Variants in CTNND2 observed in about 807,000 individuals in gnomAD.
CTNND2 encodes catenin delta 2, also known as catenin delta-2.
In CTNND2, 22 loss-of-function variants were observed where a neutral mutation model predicts 144.4. That is an observed-to-expected ratio of 0.15 (90% confidence interval 0.11 to 0.22). CTNND2 has a LOEUF of 0.22. Ranked by LOEUF, CTNND2 falls within the 10% of genes least tolerant of loss-of-function variation. The pLI, the probability that CTNND2 is intolerant of heterozygous loss-of-function variation, is 1.00. For missense variants in CTNND2, 1,353 were observed against 1,618.8 expected (o/e 0.84, Z 2.82); for synonymous variants, 751 against 695.6 (o/e 1.08, Z -1.25).
At chr5:11,896,347 T>C (rs572925438) in intron 1 of CTNND2, among the ~76,000 whole-genome samples, 1 of 152,316 alleles carries the variant, frequency 6.6e-6, no homozygotes, top group East Asian at 1.9e-4. Context: ...AAAAATATGG[T>C]CATTTCTGGG....
chr5:11,365,385 A>G (rs1011802787), intron 7 of CTNND2, among the ~76,000 whole-genome samples: 1 of 152,248 alleles, frequency 6.6e-6, no homozygotes, highest in African/African-American at 2.4e-5. Context: ...AGGATAAAGC[A>G]AAATGTTTGA....
intron 2 of CTNND2, among the ~76,000 whole-genome samples, chr5:11,699,355 C>T (rs977174229): frequency 6.6e-6 from 1 of 151,842 alleles, no homozygotes. Context: ...TTTCTTAGGA[C>T]CTGGGAGGAT....
At chr5:11,354,213 C>A (rs544342097) in intron 8 of CTNND2, among the ~76,000 whole-genome samples, 1 of 152,154 alleles carries the variant, frequency 6.6e-6, no homozygotes, top group South Asian at 2.1e-4. Flanking sequence ...TTGGTGAGAA[C>A]AGAATTAGCT....
At chr5:11,285,373 C>T (rs1747617459) in intron 9 of CTNND2, among the ~76,000 whole-genome samples, 1 of 152,174 alleles carries the variant, frequency 6.6e-6, no homozygotes, top group Non-Finnish European at 1.5e-5. Context: ...TCTGGTTTTG[C>T]TGCTTTAACT....
chr5:11,667,279 C>G (rs1210646222), intron 2 of CTNND2, among the ~76,000 whole-genome samples: 1 of 152,090 alleles, frequency 6.6e-6, no homozygotes, highest in Non-Finnish European at 1.5e-5. Flanking sequence ...TGGGTATATA[C>G]CCACTAATGG....
intron 3 of CTNND2, among the ~76,000 whole-genome samples, chr5:11,424,042 T>C (rs184933397): frequency 4.1e-4 from 62 of 152,324 alleles, no homozygotes; most frequent in African/African-American, 1.4e-3. Context: ...ATACTGGCCT[T>C]TTGACCATCT....
intron 10 of CTNND2, among the ~76,000 whole-genome samples, chr5:11,228,803 T>C (rs529428397): frequency 1.5e-3 from 221 of 152,292 alleles, no homozygotes; most frequent in African/African-American, 2.3e-3. Flanking sequence ...ACAGGATCTA[T>C]ATGCTATTGA....
At chr5:11,091,155 G>A (rs758877723) in intron 15 of CTNND2, among the ~76,000 whole-genome samples, 3 of 151,836 alleles carry the variant, frequency 2.0e-5, no homozygotes, top group Admixed American at 6.6e-5. Flanking sequence ...TACATATAGC[G>A]GGTGCCACTT....
chr5:11,236,644 G>T (rs775822979), intron 10 of CTNND2, 47 bp downstream of exon 10: 7 of 1,600,010 alleles, frequency 4.4e-6, no homozygotes, highest in Admixed American at 1.7e-5. Flanking sequence ...AGATCTAAGT[G>T]CTTATGAATC....
intron 2 of CTNND2, among the ~76,000 whole-genome samples, chr5:11,609,293 C>T (rs868535147): frequency 1.1e-4 from 16 of 152,208 alleles, no homozygotes; most frequent in Admixed American, 6.5e-5. Flanking sequence ...ACTATGCCTT[C>T]CTATCTACTG....
At chr5:11,761,223 G>T (rs932503712) in intron 1 of CTNND2, among the ~76,000 whole-genome samples, 2 of 152,122 alleles carry the variant, frequency 1.3e-5, no homozygotes, top group African/African-American at 4.8e-5. Context: ...TCATGAAACT[G>T]TAATTACTCT....
chr5:11,641,629 T>C (rs924887876), intron 2 of CTNND2, among the ~76,000 whole-genome samples: 5 of 151,154 alleles, frequency 3.3e-5, no homozygotes, highest in African/African-American at 1.2e-4. Context: ...TGTATACATA[T>C]ACGTGTGTGT....
At chr5:11,223,355 G>C (rs895424986) in intron 10 of CTNND2, among the ~76,000 whole-genome samples, 2 of 152,136 alleles carry the variant, frequency 1.3e-5, no homozygotes, top group Non-Finnish European at 2.9e-5. Context: ...GCAGCCCAAG[G>C]CAAGTCACCA....
At chr5:11,457,300 G>A (rs1765815523) in intron 3 of CTNND2, among the ~76,000 whole-genome samples, 1 of 152,000 alleles carries the variant, frequency 6.6e-6, no homozygotes, top group South Asian at 2.1e-4. Context: ...GCTACTCAGA[G>A]TCTGAGGGAG....
At chr5:11,258,629 G>A (rs535826202) in intron 9 of CTNND2, among the ~76,000 whole-genome samples, 19 of 151,984 alleles carry the variant, frequency 1.3e-4, no homozygotes, top group South Asian at 2.1e-4. Flanking sequence ...TTATGTGTGC[G>A]TTTTTTTCAA....
chr5:11,699,232 G>C (rs568830097), intron 2 of CTNND2, among the ~76,000 whole-genome samples: 10 of 152,128 alleles, frequency 6.6e-5, no homozygotes, highest in Non-Finnish European at 1.3e-4. Context: ...ATCATTGCCT[G>C]GTTGTTAGAT....
In CTNND2 at chr5:11,656,573, C is replaced by A. The variant is rs183054528; in HGVS notation, c.174+75563G>T. On this transcript the variant is annotated intron_variant, in intron 2 of 21. Coordinates refer to ENST00000304623, the MANE Select transcript of CTNND2 (RefSeq NM_001332.4). ...CACATTGCACTGTTACCACCAATGA[C>A]CCCACCACCCACCAATTTCAAAAGA... Among the ~76,000 whole-genome samples, 227 of 152,184 alleles carry A rather than the reference C, an allele frequency of 1.5e-3. 1 individual carries two copies. The highest frequency in any genetic ancestry group is 5.2e-3 in the African/African-American group (217 of 41,542).
At chr5:11,614,070 T>A (rs1208954304) in intron 2 of CTNND2, among the ~76,000 whole-genome samples, 1 of 152,200 alleles carries the variant, frequency 6.6e-6, no homozygotes, top group Admixed American at 6.6e-5. Flanking sequence ...TGAAAATTCT[T>A]CCTTGACAAT....
At chr5:11,707,705 T>C (rs1208419902) in intron 2 of CTNND2, among the ~76,000 whole-genome samples, 3 of 151,454 alleles carry the variant, frequency 2.0e-5, no homozygotes, top group African/African-American at 7.4e-5. Context: ...TAATTTTTCT[T>C]CCTACTCTCT....
Sources: gnomAD v4.1 joint callset for allele counts (sites outside exome capture counted in the v4.1 genomes callset) on GRCh38, gnomAD v4.1.1 for gene constraint, MANE v1.5 for transcripts, NCBI Gene and HGNC (gene_info 2026-07-23, HGNC 2026-07-21) for gene names.